The following GRIN3A variants were observed in gnomAD, a reference collection of about 807,000 sequenced individuals.
The protein encoded by GRIN3A is glutamate receptor ionotropic, NMDA 3A.
A neutral mutation model predicts 92.4 loss-of-function variants in GRIN3A; 47 were observed. That is an observed-to-expected ratio of 0.51 (90% CI 0.40 to 0.65). The LOEUF is 0.65. Among genes scored for constraint, GRIN3A ranks in the 30% least tolerant of loss-of-function variants. The probability of loss-of-function intolerance (pLI) is 0.00; values close to 1 mark genes in which losing one functional copy is unlikely to be tolerated. For missense variants in GRIN3A, 1,324 were observed against 1,393.1 expected, an observed-to-expected ratio of 0.95 and a Z score of 0.79; for synonymous variants, 527 against 540.6, an observed-to-expected ratio of 0.97 and a Z score of 0.35.
chr9:101,634,008 T>G (rs10989567), intron 3 of GRIN3A, among the ~76,000 whole-genome samples: 83,502 of 151,604 alleles, frequency 0.55, 23,047 homozygotes, highest in African/African-American at 0.59. Flanking sequence ...ACGCTGTTAC[T>G]TCTCTGCTTG....
chr9:101,580,862 A>G (rs934389376), intron 6 of GRIN3A, among the ~76,000 whole-genome samples: 2 of 152,206 alleles, frequency 1.3e-5, no homozygotes, highest in Non-Finnish European at 2.9e-5. Flanking sequence ...TATATACCAA[A>G]ACAGCAGCAG....
chr9:101,683,236 T>A (rs1829486153), intron 2 of GRIN3A, among the ~76,000 whole-genome samples: 1 of 152,198 alleles, frequency 6.6e-6, no homozygotes, highest in African/African-American at 2.4e-5. Context: ...TCATTAACAT[T>A]TTAAGATGTT....
intron 6 of GRIN3A, chr9:101,592,709 G>C (rs960373272): frequency 2.0e-5 from 3 of 151,584 alleles, no homozygotes; most frequent in African/African-American, 7.3e-5. Context: ...TATATGGTAG[G>C]GTACCTTGAT....
At chr9:101,581,835 A>G (rs578248053) in intron 6 of GRIN3A, among the ~76,000 whole-genome samples, 1 of 152,254 alleles carries the variant, frequency 6.6e-6, no homozygotes, top group Non-Finnish European at 1.5e-5. Flanking sequence ...GCTTTTGGTC[A>G]TCATTATCAT....
At chr9:101,698,135 A>C (rs927603936) in intron 1 of GRIN3A, among the ~76,000 whole-genome samples, 1 of 152,310 alleles carries the variant, frequency 6.6e-6, no homozygotes. Context: ...TAGTTAATGC[A>C]AAAAAAGTCC....
At position 101,670,973 on chromosome 9, in the gene GRIN3A, C is replaced by A; in HGVS notation, c.1439G>T (p.Arg480Leu). The change falls in exon 3 of 9, where the codon CGC (arginine) becomes CTC (leucine). Residue 480 changes from arginine to leucine, a missense_variant. Coordinates refer to ENST00000361820, the MANE Select transcript of GRIN3A (RefSeq NM_133445.3). ...CTTTCCCCCCTGCCAGCTGCCCAAG[C>A]GGGTCCACATTGGCTTTCCCATGGG... is the stretch of plus-strand genomic sequence containing the variant. ...HDPMGKPMWT[R>L]LGSWQGGKIV... The A allele has an allele frequency of 1.2e-6, 2 of 1,614,002 alleles. No individual in the cohort carries two copies. Among genetic ancestry groups the A allele is most frequent in the Non-Finnish European group, 8.5e-7 (1 of 1,179,926 alleles).
At chr9:101,585,744 C>T (rs1204246398) in intron 6 of GRIN3A, among the ~76,000 whole-genome samples, 1 of 152,202 alleles carries the variant, frequency 6.6e-6, no homozygotes, top group Non-Finnish European at 1.5e-5. Flanking sequence ...TCTCACCTCA[C>T]CTAGATTATT....
intron 3 of GRIN3A, among the ~76,000 whole-genome samples, chr9:101,668,277 C>T (rs1261352878): frequency 2.0e-5 from 3 of 151,990 alleles, no homozygotes; most frequent in South Asian, 2.1e-4. Context: ...GGCAATCACT[C>T]GTTCTGATAA....
At chr9:101,736,772 C>T (rs1427464064) in intron 1 of GRIN3A, among the ~76,000 whole-genome samples, 1 of 152,202 alleles carries the variant, frequency 6.6e-6, no homozygotes, top group African/African-American at 2.4e-5. Flanking sequence ...TTCCTTACAC[C>T]TTTGCCTAAG....
At chr9:101,706,229 G>C (rs910473488) in intron 1 of GRIN3A, among the ~76,000 whole-genome samples, 2 of 152,198 alleles carry the variant, frequency 1.3e-5, no homozygotes, top group African/African-American at 4.8e-5. Flanking sequence ...TACAGATAGA[G>C]GTGCCTCATT....
intron 3 of GRIN3A, among the ~76,000 whole-genome samples, chr9:101,665,015 A>G (rs151230787): frequency 0.012 from 1,772 of 151,546 alleles, 20 homozygotes; most frequent in Non-Finnish European, 0.017. Context: ...CCATATAAAT[A>G]TTTTATAAGT....
intron 3 of GRIN3A, among the ~76,000 whole-genome samples, chr9:101,642,489 A>C (rs1214819104): frequency 6.6e-6 from 1 of 152,202 alleles, no homozygotes; most frequent in Non-Finnish European, 1.5e-5. Context: ...GATTCCATCA[A>C]ACTAAACAGT....
At chr9:101,641,021 A>G (rs1442624283) in intron 3 of GRIN3A, among the ~76,000 whole-genome samples, 1 of 152,242 alleles carries the variant, frequency 6.6e-6, no homozygotes, top group South Asian at 2.1e-4. Flanking sequence ...AGAGCAGACC[A>G]GCTTTATGAA....
chr9:101,578,827 A>G (rs1039956837), intron 7 of GRIN3A, among the ~76,000 whole-genome samples: 2 of 152,186 alleles, frequency 1.3e-5, no homozygotes, highest in Admixed American at 1.3e-4. Context: ...CTTAAAGGGG[A>G]CCAGGGACTT....
chr9:101,717,088 T>A (rs1314283880), intron 1 of GRIN3A, among the ~76,000 whole-genome samples: 2 of 152,192 alleles, frequency 1.3e-5, no homozygotes, highest in Non-Finnish European at 2.9e-5. Flanking sequence ...CTGCCCCAGG[T>A]CATTGATTCT....
intron 4 of GRIN3A, among the ~76,000 whole-genome samples, chr9:101,624,286 C>T (rs1028191075): frequency 1.3e-5 from 2 of 151,686 alleles, no homozygotes; most frequent in Non-Finnish European, 2.9e-5. Flanking sequence ...AGGTTAGTTA[C>T]ATATGTATAC....
At chr9:101,600,933 G>A (rs1183075632) in intron 6 of GRIN3A, 1 of 152,218 alleles carries the variant, frequency 6.6e-6, no homozygotes, top group Non-Finnish European at 1.5e-5. Flanking sequence ...TGCTCAGAAA[G>A]CTTGCTGATC....
rs918094018 is a variant in GRIN3A at position 101,570,602 on chromosome 9, T to C, written c.*2572A>G. On this transcript the variant is annotated 3_prime_UTR_variant, in exon 9 of 9. Coordinates refer to ENST00000361820, the MANE Select transcript of GRIN3A (RefSeq NM_133445.3). ...TGGCAGTAAGCCTGCTGTCAGCCCC[T>C]GCTGCTGCTTGCTGCATCCTGGCCA... The C allele has an allele frequency of 1.3e-5, 2 of 152,654 alleles. No homozygotes were observed. Among genetic ancestry groups the C allele is most frequent in the Admixed American group, 1.3e-4 (2 of 15,282 alleles). The allele number at this position is 152,654 out of a possible 1,614,324, so 9.5% of individuals were successfully genotyped here.
At chr9:101,577,731 A>G (rs778709646) in intron 8 of GRIN3A, 37 bp downstream of exon 8, 1 of 1,401,598 alleles carries the variant, frequency 7.1e-7, no homozygotes, top group Non-Finnish European at 1.0e-6. Flanking sequence ...AGATTATTTT[A>G]CAAATATAAA....
Sources: gnomAD v4.1 joint callset for allele counts (sites outside exome capture counted in the v4.1 genomes callset) on GRCh38, gnomAD v4.1.1 for gene constraint, MANE v1.5 for transcripts, NCBI Gene and HGNC (gene_info 2026-07-23, HGNC 2026-07-21) for gene names.